BCAS3: variants seen among roughly 807,000 people sequenced by gnomAD.
BCAS3 encodes BCAS4/BCAS3 fusion.
Under a neutral mutation model 116.1 loss-of-function variants are expected in BCAS3, and 53 were observed. That is an observed-to-expected ratio of 0.46 (90% CI 0.37 to 0.57). The LOEUF (loss-of-function observed/expected upper bound fraction) is 0.57, where lower values mean the gene tolerates loss of function less well. BCAS3 is among the 20% of genes least tolerant of loss of function. The pLI is 0.00. For missense variants in BCAS3, 917 were observed against 1,165.4 expected (o/e 0.79, Z 3.10); for synonymous variants, 391 against 408.2 (o/e 0.96, Z 0.51).
intron 5 of BCAS3, chr17:60,727,556 C>T: frequency 1.1e-5 from 12 of 1,122,594 alleles, no homozygotes; most frequent in Non-Finnish European, 1.5e-5. Flanking sequence ...TCGCAAAGCT[C>T]TCGCCTGACA....
intron 10 of BCAS3, among the ~76,000 whole-genome samples, 195 bp downstream of exon 10, chr17:60,889,966 C>T (rs777826182): frequency 6.6e-6 from 1 of 152,192 alleles, no homozygotes; most frequent in Non-Finnish European, 1.5e-5. Context: ...TGGCAGTTGT[C>T]ATTAAGTCCA....
At position 61,285,543 on chromosome 17, in the gene BCAS3, T is replaced by G. The variant is rs1323762921; in HGVS notation, c.2426-82784T>G. Among the ~76,000 whole-genome samples, 1 of 152,170 alleles carries G rather than the reference T, an allele frequency of 6.6e-6. No homozygotes were observed. Among genetic ancestry groups the G allele is most frequent in the Non-Finnish European group, 1.5e-5 (1 of 68,030 alleles). On this transcript the variant is annotated intron_variant, in intron 22 of 23. Transcript: ENST00000407086. This position sits in a 1 kb window ranked among gnomAD's most constrained non-coding sequence, Gnocchi z 5.4. ...GTTTACTCCTCTAATTAAGCAGAAT[T>G]AAGGTCTGGGCTCAAAACTGTCTTG...
intron 15 of BCAS3, among the ~76,000 whole-genome samples, chr17:60,992,550 A>C (rs2063594076): frequency 6.6e-6 from 1 of 152,136 alleles, no homozygotes; most frequent in African/African-American, 2.4e-5. Context: ...GGAGGGGGTG[A>C]GGGTTGAAAA....
intron 6 of BCAS3, among the ~76,000 whole-genome samples, chr17:60,773,194 A>G (rs955436753): frequency 2.0e-5 from 3 of 151,488 alleles, no homozygotes; most frequent in African/African-American, 7.3e-5. Flanking sequence ...TAAACTTGCA[A>G]TTCTCTAATG....
At chr17:61,206,688 C>A (rs1382513714) in intron 22 of BCAS3, among the ~76,000 whole-genome samples, 2 of 151,004 alleles carry the variant, frequency 1.3e-5, no homozygotes, top group African/African-American at 4.9e-5. Flanking sequence ...GTAATCTCAG[C>A]TACTCGGGAG....
intron 14 of BCAS3, among the ~76,000 whole-genome samples, chr17:60,986,394 G>C (rs2063143744): frequency 6.6e-6 from 1 of 152,070 alleles, no homozygotes; most frequent in Admixed American, 6.6e-5. Flanking sequence ...AGCTCTAGTT[G>C]TAGTTTTTTC....
chr17:60,703,298 C>T (rs1457108881), intron 4 of BCAS3, among the ~76,000 whole-genome samples: 1 of 144,444 alleles, frequency 6.9e-6, no homozygotes, highest in Non-Finnish European at 1.5e-5. Context: ...AAAGAAAATG[C>T]AGCTTTTAGG....
At chr17:60,881,456 A>G (rs1432236698) in intron 9 of BCAS3, among the ~76,000 whole-genome samples, 2 of 150,180 alleles carry the variant, frequency 1.3e-5, no homozygotes, top group East Asian at 3.9e-4. Flanking sequence ...TTTTTTTATT[A>G]TACTTTAAGT....
intron 14 of BCAS3, among the ~76,000 whole-genome samples, chr17:60,965,715 A>G (rs867291669): frequency 6.6e-6 from 1 of 152,208 alleles, no homozygotes; most frequent in Non-Finnish European, 1.5e-5. Flanking sequence ...GATATTTGAT[A>G]TGATTTTTAT....
Position 60,960,250 on chromosome 17 carries a change from C to CT in BCAS3, c.1221+12899dup, listed in dbSNP as rs1471921799. On this transcript the variant is annotated intron_variant, in intron 14 of 23. Transcript: ENST00000407086. The surrounding 1 kb of genome is among the most constrained non-coding windows in gnomAD (Gnocchi z 4.1). ...CAACCCATTCATTACAGCATCAACT[C>CT]TAAGTCTAAATTTTTTTTAAAAATA... 6.6e-6 allele frequency among the ~76,000 whole-genome samples: 1 copy of CT among 152,124 alleles called. No individual in the cohort carries two copies. The highest frequency in any genetic ancestry group is 1.9e-4 in the East Asian group (1 of 5,190).
intron 22 of BCAS3, among the ~76,000 whole-genome samples, chr17:61,165,654 C>T (rs2078447292): frequency 6.6e-6 from 1 of 152,110 alleles, no homozygotes; most frequent in Non-Finnish European, 1.5e-5. Context: ...CCATTGCACT[C>T]CAGTCTGGGT....
intron 22 of BCAS3, among the ~76,000 whole-genome samples, chr17:61,298,733 CAG>C (rs139734241): frequency 0.026 from 3,969 of 152,278 alleles, 176 homozygotes; most frequent in African/African-American, 0.088. Context: ...TCTCTGGCAA[CAG>C]AGAGTTCAGT....
chr17:61,368,150 C>G lies in BCAS3; in HGVS notation c.2426-177C>G. 1 of 576,812 alleles carries G rather than the reference C, an allele frequency of 1.7e-6. No individual in the cohort carries two copies. Among genetic ancestry groups the G allele is most frequent in the Non-Finnish European group, 2.9e-6 (1 of 340,660 alleles). The allele number at this position is 576,812 out of a possible 1,614,324, so 35.7% of individuals were successfully genotyped here. On this transcript the variant is annotated intron_variant, in intron 22 of 23. Transcript: ENST00000407086. The surrounding 1 kb of genome is among the most constrained non-coding windows in gnomAD (Gnocchi z 6.0). ...GGAAGTCACTCCAGAGGTCTGCACTCTCTCAGCGGCATGAGCTATTTCTCC... is the reference window on the plus strand; with the variant it reads ...GGAAGTCACTCCAGAGGTCTGCACTGTCTCAGCGGCATGAGCTATTTCTCC...
intron 22 of BCAS3, among the ~76,000 whole-genome samples, chr17:61,236,377 C>A (rs552159631): frequency 6.6e-6 from 1 of 152,224 alleles, no homozygotes; most frequent in East Asian, 1.9e-4. Flanking sequence ...TGGAGTGCAG[C>A]GGTGTGATCT....
At chr17:61,283,777 T>A (rs1400920789) in intron 22 of BCAS3, among the ~76,000 whole-genome samples, 4 of 151,948 alleles carry the variant, frequency 2.6e-5, no homozygotes, top group Admixed American at 6.6e-5. Flanking sequence ...TAAAAAAAAA[T>A]TTTAGAGACA....
In BCAS3 at chr17:61,041,032, T is replaced by A; in HGVS notation, c.2029+140T>A. The A allele has an allele frequency of 3.2e-6, 2 of 633,160 alleles. No homozygotes were observed. Among genetic ancestry groups the A allele is most frequent in the Non-Finnish European group, 5.5e-6 (2 of 365,148 alleles). 39.2% of individuals were successfully genotyped at this position (633,160 alleles called of 1,614,324 possible). A position where few individuals can be genotyped will look rare whatever the true frequency, so the allele number is the denominator to read the frequency against. Reference sequence around the variant, plus strand: ...ATCAGTTTGAGGCAAATAAGATATTTAATATGAATATAAACTGTAAGCCTT... The same window carrying A: ...ATCAGTTTGAGGCAAATAAGATATTAAATATGAATATAAACTGTAAGCCTT... On this transcript the variant is annotated intron_variant, in intron 19 of 23. Coordinates refer to ENST00000407086, the MANE Select transcript of BCAS3 (RefSeq NM_017679.5). The surrounding 1 kb of genome is among the most constrained non-coding windows in gnomAD (Gnocchi z 4.7).
intron 19 of BCAS3, among the ~76,000 whole-genome samples, chr17:61,067,273 GTATATATATATATATATATATATA>G (rs1199603635): frequency 4.8e-4 from 28 of 58,800 alleles, no homozygotes; most frequent in South Asian, 2.7e-3. Context: ...GTGTGTATGT[GTATATATATATATATATATATATA>G]TATATATATA....
intron 22 of BCAS3, among the ~76,000 whole-genome samples, chr17:61,272,801 T>C (rs1054749592): frequency 6.6e-6 from 1 of 152,126 alleles, no homozygotes; most frequent in Non-Finnish European, 1.5e-5. Flanking sequence ...AATTTTGCCT[T>C]TTTATCTCTT....
intron 5 of BCAS3, among the ~76,000 whole-genome samples, chr17:60,731,187 A>G (rs577771332): frequency 6.6e-6 from 1 of 152,130 alleles, no homozygotes; most frequent in Non-Finnish European, 1.5e-5. Context: ...TAGCAAATTG[A>G]TAACTATACA....
Sources: allele counts gnomAD v4.1 joint callset (sites outside exome capture counted in the v4.1 genomes callset), GRCh38; gene constraint gnomAD v4.1.1; non-coding constraint Gnocchi (gnomAD v3.1); transcripts MANE v1.5; gene names NCBI Gene and HGNC (gene_info 2026-07-23, HGNC 2026-07-21).